LRBA: variants seen among roughly 807,000 people sequenced by gnomAD.
LRBA encodes LPS responsive beige-like anchor protein, also known as lipopolysaccharide-responsive and beige-like anchor protein.
In LRBA, 176 loss-of-function variants were observed where a neutral mutation model predicts 330.0. That is an observed-to-expected ratio of 0.53 (90% CI 0.47 to 0.60). The LOEUF (loss-of-function observed/expected upper bound fraction) is 0.60, where lower values mean the gene tolerates loss of function less well. LRBA is among the 20% of genes least tolerant of loss of function. The pLI is 0.00. For synonymous variants in LRBA, 1,230 were observed against 1,193.0 expected, an observed-to-expected ratio of 1.03 and a Z score of -0.64; for missense variants, 3,259 against 3,444.8, an observed-to-expected ratio of 0.95 and a Z score of 1.35.
intron 40 of LRBA, chr4:150,584,078 T>G (rs1475376233): frequency 6.4e-7 from 1 of 1,556,662 alleles, no homozygotes; most frequent in Non-Finnish European, 8.7e-7. Context: ...AGGGAAATTC[T>G]CACCAATCCC....
intron 40 of LRBA, among the ~76,000 whole-genome samples, chr4:150,500,047 C>A (rs1308294908): frequency 6.6e-6 from 1 of 152,084 alleles, no homozygotes; most frequent in Non-Finnish European, 1.5e-5. Context: ...TTCTATACCA[C>A]TGTAGAATGA....
At chr4:150,793,007 G>A (rs1396087597) in intron 34 of LRBA, among the ~76,000 whole-genome samples, 1 of 152,050 alleles carries the variant, frequency 6.6e-6, no homozygotes, top group African/African-American at 2.4e-5. Context: ...TTGAACCCAG[G>A]AGGCGGAGGT....
At chr4:150,628,492 T>C (rs933185789) in intron 37 of LRBA, among the ~76,000 whole-genome samples, 4 of 152,214 alleles carry the variant, frequency 2.6e-5, no homozygotes, top group African/African-American at 9.6e-5. Context: ...AATGTATATG[T>C]TATACCAACG....
At chr4:150,928,707 T>G in intron 3 of LRBA, 91 bp from the exon 4 acceptor site, 1 of 1,273,426 alleles carries the variant, frequency 7.9e-7, no homozygotes, top group Non-Finnish European at 1.1e-6. Flanking sequence ...GCTTGGACAC[T>G]AAAGTTCTAG....
intron 48 of LRBA, among the ~76,000 whole-genome samples, chr4:150,342,734 G>A (rs1026187671): frequency 2.6e-5 from 4 of 152,084 alleles, no homozygotes; most frequent in African/African-American, 4.8e-5. Context: ...GAAGAATGGC[G>A]CTTTTCCCAA....
chr4:150,631,941 G>A (rs1464778238), intron 37 of LRBA, among the ~76,000 whole-genome samples: 1 of 152,112 alleles, frequency 6.6e-6, no homozygotes, highest in Non-Finnish European at 1.5e-5. Flanking sequence ...GTATAGAAGT[G>A]ATGGTTGGGC....
chr4:150,399,868 C>T (rs912394307), intron 47 of LRBA, among the ~76,000 whole-genome samples: 14 of 152,158 alleles, frequency 9.2e-5, no homozygotes, highest in East Asian at 1.9e-4. Flanking sequence ...GCCAGCTACA[C>T]GGGAGGCTGA....
chr4:150,388,207 C>T (rs189185030), intron 47 of LRBA, among the ~76,000 whole-genome samples: 53 of 152,352 alleles, frequency 3.5e-4, no homozygotes, highest in East Asian at 3.5e-3. Flanking sequence ...TCTACTGGAA[C>T]AGGGCTCCGC....
chr4:150,663,382 G>T (rs562309697), intron 37 of LRBA, among the ~76,000 whole-genome samples: 26 of 152,168 alleles, frequency 1.7e-4, no homozygotes, highest in African/African-American at 6.0e-4. Flanking sequence ...ATTGATGACA[G>T]AAGGTGCACA....
At chr4:150,964,685 C>T (rs1738683476) in intron 2 of LRBA, among the ~76,000 whole-genome samples, 1 of 151,846 alleles carries the variant, frequency 6.6e-6, no homozygotes, top group Non-Finnish European at 1.5e-5. Flanking sequence ...ACAAACACTG[C>T]AGAAGGCGGC....
intron 53 of LRBA, among the ~76,000 whole-genome samples, chr4:150,298,455 TAAC>T (rs1729235702): frequency 6.6e-6 from 1 of 152,018 alleles, no homozygotes; most frequent in Admixed American, 6.6e-5. Flanking sequence ...CTAGTAAAAT[TAAC>T]AACAGTAGGA....
At chr4:150,671,847 G>T (rs963222539) in intron 37 of LRBA, among the ~76,000 whole-genome samples, 1 of 152,096 alleles carries the variant, frequency 6.6e-6, no homozygotes, top group Admixed American at 6.6e-5. Context: ...GGGAAAGCAA[G>T]GTCTGAAATG....
At chr4:150,935,387 AAC>A (rs1188009771) in intron 2 of LRBA, among the ~76,000 whole-genome samples, 3 of 152,158 alleles carry the variant, frequency 2.0e-5, no homozygotes, top group African/African-American at 7.2e-5. Flanking sequence ...GTTTTAAAAC[AAC>A]ATTTCTGATA....
intron 37 of LRBA, among the ~76,000 whole-genome samples, chr4:150,618,188 G>A (rs1775955833): frequency 6.6e-6 from 1 of 152,026 alleles, no homozygotes; most frequent in African/African-American, 2.4e-5. Flanking sequence ...ATCAGCTTCT[G>A]CAAATTACTA....
At chr4:150,735,763 A>G (rs1731102521) in intron 35 of LRBA, among the ~76,000 whole-genome samples, 2 of 152,212 alleles carry the variant, frequency 1.3e-5, no homozygotes, top group Non-Finnish European at 2.9e-5. Context: ...TGAGAACAGA[A>G]AAGCTACACA....
intron 40 of LRBA, among the ~76,000 whole-genome samples, chr4:150,508,509 G>A (rs968159874): frequency 6.6e-6 from 1 of 152,014 alleles, no homozygotes; most frequent in Admixed American, 6.6e-5. Flanking sequence ...GGCTGGTCTC[G>A]AACTCCTGAC....
At chr4:150,503,778 A>G (rs1034444738) in intron 40 of LRBA, among the ~76,000 whole-genome samples, 1 of 152,232 alleles carries the variant, frequency 6.6e-6, no homozygotes, top group Non-Finnish European at 1.5e-5. Flanking sequence ...AAGGCTTCAG[A>G]TGATCAAACT....
intron 40 of LRBA, among the ~76,000 whole-genome samples, chr4:150,499,429 G>A (rs1429442730): frequency 6.6e-6 from 1 of 152,028 alleles, no homozygotes; most frequent in Non-Finnish European, 1.5e-5. Flanking sequence ...GATCACTTGA[G>A]GCCAGGAATT....
intron 40 of LRBA, among the ~76,000 whole-genome samples, chr4:150,555,788 A>ACACAC (rs1554054001): frequency 4.0e-5 from 4 of 101,182 alleles, no homozygotes; most frequent in South Asian, 2.8e-4. Flanking sequence ...CACACACACA[A>ACACAC]ACAAATAGAA....
Sources: gnomAD v4.1 joint callset for allele counts (sites outside exome capture counted in the v4.1 genomes callset) on GRCh38, gnomAD v4.1.1 for gene constraint, MANE v1.5 for transcripts, NCBI Gene and HGNC (gene_info 2026-07-23, HGNC 2026-07-21) for gene names.